The following EHMT1 variants were observed in gnomAD, a reference collection of about 807,000 sequenced individuals.
EHMT1 encodes the protein euchromatic histone lysine methyltransferase 1.
Under a neutral mutation model 147.2 loss-of-function variants are expected in EHMT1, and 15 were observed. That is an observed-to-expected ratio of 0.10 (90% confidence interval 0.07 to 0.16). The LOEUF is 0.16. EHMT1 is among the 10% of genes least tolerant of loss of function. The pLI, the probability that EHMT1 is intolerant of heterozygous loss-of-function variation, is 1.00. For missense variants in EHMT1, 1,587 were observed against 1,772.4 expected, an observed-to-expected ratio of 0.90 and a Z score of 1.88; for synonymous variants, 795 against 709.6, an observed-to-expected ratio of 1.12 and a Z score of -1.91.
At chr9:137,772,795 G>A (rs1454463635) in intron 10 of EHMT1, among the ~76,000 whole-genome samples, 3 of 152,200 alleles carry the variant, frequency 2.0e-5, no homozygotes, top group Admixed American at 6.5e-5. Context: ...TCCCACCCAT[G>A]GTGACCTCAG....
chr9:137,797,099 A>T (rs1451796644), intron 16 of EHMT1, among the ~76,000 whole-genome samples: 2 of 152,082 alleles, frequency 1.3e-5, no homozygotes, highest in African/African-American at 4.8e-5. Flanking sequence ...CGAATTCAGG[A>T]TAGTGATAAC....
chr9:137,721,825 G>A lies in EHMT1; in HGVS notation c.642+4643G>A, dbSNP rs140890711. ...ATGTGGTTTCCAGTATTTTCTGCTG[G>A]TCTGAAGCTTCTCTTCTTTCTCTCA... On this transcript the variant is annotated intron_variant, in intron 3 of 26. Transcript: ENST00000460843. Among the ~76,000 whole-genome samples the A allele has an allele frequency of 4.4e-3, 671 of 152,242 alleles. 4 individuals carry two copies. Among genetic ancestry groups the A allele is most frequent in the African/African-American group, 0.015 (603 of 41,532 alleles).
chr9:137,670,640 CCTT>C (rs1940481646), intron 1 of EHMT1, among the ~76,000 whole-genome samples: 1 of 152,202 alleles, frequency 6.6e-6, no homozygotes, highest in African/African-American at 2.4e-5. Flanking sequence ...GGCCACCTGT[CCTT>C]CTGGGGGCAG....
At chr9:137,699,665 ACT>A (rs1219553508) in intron 1 of EHMT1, among the ~76,000 whole-genome samples, 1 of 139,252 alleles carries the variant, frequency 7.2e-6, no homozygotes, top group East Asian at 2.0e-4. Flanking sequence ...ACAGAGCAAG[ACT>A]CTGTCTCAAA....
At chr9:137,818,225 A>T (rs1955082577) in intron 25 of EHMT1, 87 bp downstream of exon 25, 1 of 1,428,492 alleles carries the variant, frequency 7.0e-7, no homozygotes, top group Non-Finnish European at 9.9e-7. Context: ...TGGGATTCAG[A>T]AGAGAGCTCT....
At chr9:137,738,123 G>A (rs1947707202) in intron 4 of EHMT1, among the ~76,000 whole-genome samples, 1 of 151,990 alleles carries the variant, frequency 6.6e-6, no homozygotes, top group African/African-American at 2.4e-5. Context: ...GAACCCGAGT[G>A]GTAGAGGTTG....
intron 10 of EHMT1, among the ~76,000 whole-genome samples, chr9:137,772,290 A>C (rs900739992): frequency 6.6e-6 from 1 of 152,218 alleles, no homozygotes; most frequent in African/African-American, 2.4e-5. Flanking sequence ...GAAATTAGGC[A>C]TGGGCACATG....
rs777950978 is a variant in EHMT1 at position 137,776,882 on chromosome 9, C to A, written c.2018+38C>A. On this transcript the variant is annotated intron_variant, in intron 12 of 26. Transcript: ENST00000460843. The surrounding 1 kb of genome is among the most constrained non-coding windows in gnomAD (Gnocchi z 4.4). The stretch of plus-strand genomic sequence containing the variant: ...GGCTCTGGCTGGGCTCTCCAGTCGT[C>A]CACCTGAAAAAGTTTCAGTTGTTAA... 6.2e-7 allele frequency: 1 copy of A among 1,600,464 alleles called. No individual in the cohort carries two copies. Among genetic ancestry groups the A allele is most frequent in the Non-Finnish European group, 8.5e-7 (1 of 1,170,772 alleles).
chr9:137,805,461 G>A (rs1291748760), intron 18 of EHMT1, among the ~76,000 whole-genome samples: 1 of 152,218 alleles, frequency 6.6e-6, no homozygotes, highest in African/African-American at 2.4e-5. Flanking sequence ...TCAGCTCCAG[G>A]GCCCTCTCTT....
intron 1 of EHMT1, among the ~76,000 whole-genome samples, chr9:137,629,311 C>CA: frequency 6.6e-6 from 1 of 151,370 alleles, no homozygotes; most frequent in East Asian, 1.9e-4. Flanking sequence ...AGGCTGGTCT[C>CA]AAACTCGTGA....
At chr9:137,727,658 CTA>C (rs1292316205) in intron 3 of EHMT1, among the ~76,000 whole-genome samples, 4 of 152,186 alleles carry the variant, frequency 2.6e-5, no homozygotes, top group African/African-American at 9.7e-5. Context: ...TGAAGTTAAA[CTA>C]TCACAGGTCT....
At chr9:137,743,343 C>T in intron 4 of EHMT1, 28 bp from the exon 5 acceptor site, 1 of 1,565,430 alleles carries the variant, frequency 6.4e-7, no homozygotes, top group Non-Finnish European at 8.6e-7. Flanking sequence ...CTTTCTTGTC[C>T]CCTTTTGACT....
intron 5 of EHMT1, 70 bp downstream of exon 5, chr9:137,743,598 T>C: frequency 2.5e-6 from 4 of 1,608,794 alleles, no homozygotes; most frequent in African/African-American, 1.3e-5. Context: ...GGCCTCGTTA[T>C]CAGTAATTTG....
At chr9:137,834,171 A>T in intron 25 of EHMT1, 178 bp from the exon 26 acceptor site, 2 of 784,322 alleles carry the variant, frequency 2.5e-6, no homozygotes, top group Non-Finnish European at 4.0e-6. Context: ...CCACACAGCG[A>T]GGAGAAGGCT....
chr9:137,759,473 A>C (rs1393593481), intron 9 of EHMT1, among the ~76,000 whole-genome samples: 1 of 152,208 alleles, frequency 6.6e-6, no homozygotes, highest in Non-Finnish European at 1.5e-5. Flanking sequence ...TCCACCTGTC[A>C]GTGTGCGCCT....
intron 1 of EHMT1, 83 bp from the exon 2 acceptor site, chr9:137,710,881 ATTT>A: frequency 6.8e-7 from 1 of 1,468,554 alleles, no homozygotes; most frequent in East Asian, 2.5e-5. Flanking sequence ...TGTAACTACG[ATTT>A]TTTGACTTTT....
At chr9:137,752,231 C>A in intron 6 of EHMT1, 100 bp from the exon 7 acceptor site, 1 of 1,399,140 alleles carries the variant, frequency 7.1e-7, no homozygotes, top group South Asian at 1.2e-5. Context: ...CGGCCAGTGC[C>A]CGTTTCGAGG....
intron 16 of EHMT1, among the ~76,000 whole-genome samples, chr9:137,797,302 C>G (rs184926787): frequency 6.6e-6 from 1 of 152,244 alleles, no homozygotes; most frequent in Admixed American, 6.5e-5. Flanking sequence ...TCTATTCCCA[C>G]GGGGTTCCTT....
At chr9:137,803,283 T>G in intron 18 of EHMT1, 1 of 1,014,082 alleles carries the variant, frequency 9.9e-7, no homozygotes, top group Non-Finnish European at 1.2e-6. Context: ...TGGGTGAATT[T>G]TCACCCAGAA....
Sources: gnomAD v4.1 joint callset for allele counts (sites outside exome capture counted in the v4.1 genomes callset) on GRCh38, gnomAD v4.1.1 for gene constraint, Gnocchi (gnomAD v3.1) non-coding constraint, MANE v1.5 for transcripts, NCBI Gene and HGNC (gene_info 2026-07-23, HGNC 2026-07-21) for gene names.